The following CORO2B variants were observed in gnomAD, a reference collection of about 807,000 sequenced individuals.
CORO2B encodes the protein coronin-2B.
In CORO2B, 26 loss-of-function variants were observed where a neutral mutation model predicts 58.8. That is an observed-to-expected ratio of 0.44 (90% CI 0.32 to 0.61). The LOEUF (loss-of-function observed/expected upper bound fraction) is 0.61, where lower values mean the gene tolerates loss of function less well. CORO2B is among the 20% of genes least tolerant of loss of function. CORO2B has a pLI of 0.04. For synonymous variants in CORO2B, 242 were observed against 253.8 expected, an observed-to-expected ratio of 0.95 and a Z score of 0.44; for missense variants, 460 against 645.1, an observed-to-expected ratio of 0.71 and a Z score of 3.11.
At chr15:68,699,282 C>T (rs906456696) in intron 3 of CORO2B, among the ~76,000 whole-genome samples, 3 of 152,072 alleles carry the variant, frequency 2.0e-5, no homozygotes, top group African/African-American at 7.2e-5. Context: ...TTGTGCTTCT[C>T]AAGCCATCTG....
At chr15:68,536,718 C>T in the CORO2B span, among the ~76,000 whole-genome samples, 3 of 152,196 alleles carry the variant, frequency 2.0e-5, no homozygotes, top group Non-Finnish European at 4.4e-5. Flanking sequence ...TGAATAAAAA[C>T]TGAAATAAAA....
chr15:68,587,268 G>A (rs532091017), intron 1 of CORO2B, among the ~76,000 whole-genome samples: 1 of 152,272 alleles, frequency 6.6e-6, no homozygotes, highest in East Asian at 1.9e-4. Context: ...CTCAGAGAAG[G>A]TGGATGTTTT....
the CORO2B span, among the ~76,000 whole-genome samples, chr15:68,533,972 G>T: frequency 2.7e-4 from 41 of 152,212 alleles, no homozygotes; most frequent in Admixed American, 2.6e-3. Context: ...GACCCAGTCT[G>T]GCCCTAAACT....
intron 1 of CORO2B, among the ~76,000 whole-genome samples, chr15:68,591,492 C>T (rs1899705966): frequency 6.6e-6 from 1 of 152,130 alleles, no homozygotes; most frequent in Non-Finnish European, 1.5e-5. Context: ...TGTGGTGTTG[C>T]TGGGAGTCCT....
At position 68,725,895 on chromosome 15, in the gene CORO2B, A is replaced by T; in HGVS notation, c.1364A>T (p.Glu455Val). 1 of 1,614,018 alleles carries T rather than the reference A, an allele frequency of 6.2e-7. No homozygotes were observed. Among genetic ancestry groups the T allele is most frequent in the Non-Finnish European group, 8.5e-7 (1 of 1,180,010 alleles). The change falls in exon 12 of 12, where the codon GAG (glutamate) becomes GTG (valine). Residue 455 changes from glutamate (E) to valine (V), a missense_variant. Physicochemically the swap from Glu to Val is moderately radical, Grantham distance 121 (BLOSUM62 -2). Transcript: ENST00000261861. ...QQDEIRRLKE[E>V]LAQKDIRIRQ... Reference sequence around the variant, plus strand: ...GATGAGATTCGACGGTTGAAAGAGGAGCTGGCCCAGAAGGACATCCGCATT... The same window carrying T: ...GATGAGATTCGACGGTTGAAAGAGGTGCTGGCCCAGAAGGACATCCGCATT...
chr15:68,637,226 T>C (rs1372618637), intron 1 of CORO2B, among the ~76,000 whole-genome samples: 1 of 152,220 alleles, frequency 6.6e-6, no homozygotes, highest in Non-Finnish European at 1.5e-5. Context: ...CATTGTCTGT[T>C]TGGCTTTCTC....
In CORO2B at chr15:68,711,679, T is replaced by G; in HGVS notation, c.621T>G (p.Ile207Met). The G allele has an allele frequency of 6.2e-7, 1 of 1,614,112 alleles. No homozygotes were observed. Among genetic ancestry groups the G allele is most frequent in the Non-Finnish European group, 8.5e-7 (1 of 1,179,992 alleles). Reference protein sequence around the residue: ...TTCKDKKLRVIEPRSGRVLQE... With the variant: ...TTCKDKKLRVMEPRSGRVLQE... ...GCAAGGACAAGAAGCTGCGTGTGAT[T>G]GAGCCCCGCTCTGGCCGTGTTCTGC... The change falls in exon 5 of 12, where the codon ATT becomes ATG. Residue 207 changes from isoleucine (I) to methionine (M), a missense_variant. Ile to Met is a conservative substitution (Grantham distance 10). Coordinates refer to ENST00000261861, the MANE Select transcript of CORO2B (RefSeq NM_006091.5).
chr15:68,653,351 A>C (rs575851298), intron 2 of CORO2B, among the ~76,000 whole-genome samples: 32 of 152,162 alleles, frequency 2.1e-4, no homozygotes, highest in African/African-American at 7.5e-4. Context: ...TTGGACCGAG[A>C]GCCCCCAACG....
At chr15:68,705,421 G>T (rs530424746) in intron 3 of CORO2B, among the ~76,000 whole-genome samples, 105 of 139,818 alleles carry the variant, frequency 7.5e-4, no homozygotes, top group African/African-American at 2.8e-3. Flanking sequence ...CTGGGCAAAA[G>T]GTGAAACTCT....
At chr15:68,715,383 C>G (rs1378092658) in intron 8 of CORO2B, 72 bp downstream of exon 8, 3 of 1,090,364 alleles carry the variant, frequency 2.8e-6, no homozygotes, top group African/African-American at 1.6e-5. Context: ...TGGGTCACCC[C>G]CTCCCTTAAG....
At chr15:68,633,929 G>A (rs751264417) in intron 1 of CORO2B, among the ~76,000 whole-genome samples, 13 of 152,334 alleles carry the variant, frequency 8.5e-5, no homozygotes, top group South Asian at 2.1e-4. Flanking sequence ...AGGGAGCAAC[G>A]TCTTGGTCTG....
rs754810141 is a variant in CORO2B, at chr15:68,719,570, T to C, written c.1311+18T>C. The C allele has an allele frequency of 2.5e-6, 4 of 1,608,798 alleles. No individual in the cohort carries two copies. The South Asian group carries it at 4.4e-5, about 18-fold the overall frequency. The stretch of plus-strand genomic sequence containing the variant: ...AGAATGAGGTAAGGAATGTAAGTTA[T>C]TACCTCCACAGGCCCTGGAAGAGCA... On this transcript the variant is annotated intron_variant, in intron 11 of 11. Transcript: ENST00000261861.
At chr15:68,610,621 A>T (rs1900226829) in intron 1 of CORO2B, among the ~76,000 whole-genome samples, 1 of 152,128 alleles carries the variant, frequency 6.6e-6, no homozygotes, top group Non-Finnish European at 1.5e-5. Flanking sequence ...CCCAGACTAG[A>T]TCCTATGTCT....
the CORO2B span, among the ~76,000 whole-genome samples, chr15:68,530,646 G>C: frequency 6.6e-6 from 1 of 152,122 alleles, no homozygotes; most frequent in Admixed American, 6.5e-5. Flanking sequence ...ATATTAGTAT[G>C]AGTTTACATA....
intron 11 of CORO2B, among the ~76,000 whole-genome samples, chr15:68,725,199 T>G (rs986818078): frequency 6.6e-6 from 1 of 151,934 alleles, no homozygotes; most frequent in Admixed American, 6.6e-5. Context: ...TGAAACCCAG[T>G]CTCTACTAAA....
At chr15:68,718,367 C>T (rs1893080249) in intron 8 of CORO2B, among the ~76,000 whole-genome samples, 1 of 152,202 alleles carries the variant, frequency 6.6e-6, no homozygotes, top group Non-Finnish European at 1.5e-5. Context: ...CCTTGGGTAA[C>T]CCCTTGCCCT....
chr15:68,676,678 C>T (rs1293693995), intron 2 of CORO2B, among the ~76,000 whole-genome samples: 1 of 152,202 alleles, frequency 6.6e-6, no homozygotes, highest in Non-Finnish European at 1.5e-5. Context: ...ACCGCAGCCA[C>T]CTGAGGAGAG....
At chr15:68,640,512 A>T (rs199906350) in intron 1 of CORO2B, among the ~76,000 whole-genome samples, 6 of 19,662 alleles carry the variant, frequency 3.1e-4, no homozygotes, top group Admixed American at 4.7e-4. Context: ...AATGCTATTT[A>T]AAAAAAAAAA....
intron 1 of CORO2B, among the ~76,000 whole-genome samples, chr15:68,624,330 T>TCCAGTG: frequency 6.6e-6 from 1 of 152,158 alleles, no homozygotes; most frequent in Non-Finnish European, 1.5e-5. Context: ...CAGTAAGCTA[T>TCCAGTG]GATCACCACT....
Sources: allele counts gnomAD v4.1 joint callset (sites outside exome capture counted in the v4.1 genomes callset), GRCh38; gene constraint gnomAD v4.1.1; transcripts MANE v1.5; gene names NCBI Gene and HGNC (gene_info 2026-07-23, HGNC 2026-07-21).